MYO18B: variants seen among roughly 807,000 people sequenced by gnomAD.
The protein encoded by MYO18B is myosin XVIIIB.
MYO18B carries 204 observed loss-of-function variants against 273.0 expected under a neutral mutation model. That is an observed-to-expected ratio of 0.75 (90% CI 0.67 to 0.84). MYO18B has a LOEUF of 0.84. MYO18B is among the 40% of genes least tolerant of loss of function. The pLI is 0.00. For synonymous variants in MYO18B, 1,330 were observed against 1,305.7 expected (o/e 1.02, Z -0.40); for missense variants, 3,212 against 3,287.6 (o/e 0.98, Z 0.56).
chr22:25,869,390 C>T (rs12330121), intron 22 of MYO18B, among the ~76,000 whole-genome samples: 6,663 of 128,428 alleles, frequency 0.052, 193 homozygotes, highest in African/African-American at 0.09. Context: ...GCGAAGGTTG[C>T]GGTGAGCTGA....
Position 25,946,494 on chromosome 22 carries a change from T to TCAGA in MYO18B, c.5631+244_5631+245insCAGA, listed in dbSNP as rs1402731327. Among the ~76,000 whole-genome samples, 371 of 152,264 alleles carry TCAGA rather than the reference T, an allele frequency of 2.4e-3. 2 individuals carry two copies. The highest frequency in any genetic ancestry group is 8.6e-3 in the African/African-American group (357 of 41,564). On this transcript the variant is annotated intron_variant, in intron 35 of 43. Coordinates refer to ENST00000335473, the MANE Select transcript of MYO18B (RefSeq NM_032608.7). ...CAGCGTTCTGAATGTGCAGGCATCC[T>TCAGA]ACTGTCAGCTGAGCATTATAAAGAT...
At chr22:25,872,276 C>G (rs941665101) in intron 22 of MYO18B, among the ~76,000 whole-genome samples, 1 of 152,242 alleles carries the variant, frequency 6.6e-6, no homozygotes. Context: ...GAGAATCGAT[C>G]GAGACCCTTT....
intron 12 of MYO18B, among the ~76,000 whole-genome samples, chr22:25,817,225 G>A (rs1016567373): frequency 1.0e-4 from 14 of 134,328 alleles, no homozygotes; most frequent in Non-Finnish European, 1.4e-4. Flanking sequence ...TCTTTCTTTC[G>A]TTCTTTCTCT....
chr22:25,907,539 A>G (rs1265675424), intron 31 of MYO18B, among the ~76,000 whole-genome samples: 1 of 152,212 alleles, frequency 6.6e-6, no homozygotes, highest in Non-Finnish European at 1.5e-5. Flanking sequence ...GCATTCTAAG[A>G]CGGTTGTTTT....
At chr22:25,849,763 T>C (rs1314194263) in intron 20 of MYO18B, among the ~76,000 whole-genome samples, 1 of 152,178 alleles carries the variant, frequency 6.6e-6, no homozygotes, top group Non-Finnish European at 1.5e-5. Context: ...TCTCCTATAA[T>C]AGCTCATATC....
chr22:25,856,792 C>T (rs2146080308), intron 21 of MYO18B, among the ~76,000 whole-genome samples: 1 of 152,248 alleles, frequency 6.6e-6, no homozygotes, highest in Admixed American at 6.5e-5. Flanking sequence ...ATTCTGGGTT[C>T]TTGTTAGCCA....
rs1569034001 is a variant in MYO18B, at chr22:25,797,972, C to CG, written c.2398dup (p.Ala800GlyfsTer51). 1 of 1,614,018 alleles carries CG rather than the reference C, an allele frequency of 6.2e-7. No individual in the cohort carries two copies. The highest frequency in any genetic ancestry group is 1.7e-5 in the Admixed American group (1 of 60,032). On this transcript the variant is annotated frameshift_variant, in exon 12 of 44. Transcript: ENST00000335473. LOFTEE classifies it high-confidence loss of function. The stretch of plus-strand genomic sequence containing the variant: ...CCGCAGCCTGAAGATAAACAGAAGG[C>CG]GGCAGCTGCCTTTGCCCAGCTCCAG...
At chr22:25,831,564 GTAGCGATGGGGTTTCACCATGT>G (rs1601829128) in intron 15 of MYO18B, among the ~76,000 whole-genome samples, 2 of 152,178 alleles carry the variant, frequency 1.3e-5, no homozygotes, top group East Asian at 3.9e-4. Context: ...TGTATTTTTA[GTAGCGATGGGGTTTCACCATGT>G]TAGCCAGCCT....
chr22:25,930,299 C>T (rs952681574), intron 34 of MYO18B, among the ~76,000 whole-genome samples: 11 of 151,988 alleles, frequency 7.2e-5, no homozygotes, highest in Admixed American at 2.0e-4. Context: ...TTGTTTCCAT[C>T]GTTTTTTTTC....
At chr22:25,754,582 G>T (rs1275655176) in intron 1 of MYO18B, among the ~76,000 whole-genome samples, 1 of 152,094 alleles carries the variant, frequency 6.6e-6, no homozygotes, top group African/African-American at 2.4e-5. Flanking sequence ...TCCCCTTTAA[G>T]GGGAGACTCG....
intron 24 of MYO18B, among the ~76,000 whole-genome samples, chr22:25,876,542 G>C (rs1026967940): frequency 2.6e-5 from 4 of 152,086 alleles, no homozygotes; most frequent in African/African-American, 9.7e-5. Context: ...CTAGGCTGTG[G>C]GTGTTTAGAG....
chr22:25,773,872 G>C (rs1412434011), intron 7 of MYO18B, among the ~76,000 whole-genome samples: 1 of 152,214 alleles, frequency 6.6e-6, no homozygotes, highest in African/African-American at 2.4e-5. Context: ...GACTTAGGTT[G>C]TAAAAGGATG....
At chr22:25,757,132 A>G (rs2086148947) in intron 1 of MYO18B, among the ~76,000 whole-genome samples, 1 of 152,238 alleles carries the variant, frequency 6.6e-6, no homozygotes, top group African/African-American at 2.4e-5. Flanking sequence ...TACTTACAAA[A>G]GCTTTACATA....
intron 13 of MYO18B, among the ~76,000 whole-genome samples, chr22:25,824,847 A>G (rs1363343833): frequency 7.0e-6 from 1 of 142,588 alleles, no homozygotes; most frequent in Non-Finnish European, 1.6e-5. Context: ...CCATGTGTGC[A>G]TCACACATGA....
At position 25,832,922 on chromosome 22, in the gene MYO18B, T is replaced by A. The variant is rs780861557; in HGVS notation, c.2985T>A (p.Gly995=). The A allele has an allele frequency of 2.5e-6, 4 of 1,613,524 alleles. No individual in the cohort carries two copies. The highest frequency in any genetic ancestry group is 1.7e-5 in the Admixed American group (1 of 60,010). The part of the protein sequence containing the change: ...VSTLQRYQEE[G]VPVQFDLPDP... ...TAAATCCTGTTATTTTCCAGGAAGG[T>A]GTTCCTGTGCAGTTTGACCTCCCGG... Residue 995 remains glycine (G), a synonymous_variant, in exon 16 of 44, where the codon GGT becomes GGA. Coordinates refer to ENST00000335473, the MANE Select transcript of MYO18B (RefSeq NM_032608.7).
chr22:25,744,629 G>A (rs2085723639), intron 1 of MYO18B, among the ~76,000 whole-genome samples: 1 of 152,164 alleles, frequency 6.6e-6, no homozygotes, highest in Non-Finnish European at 1.5e-5. Context: ...AGCTACTTGG[G>A]AGGCTGAGGC....
At chr22:25,825,081 G>A (rs527326253) in intron 13 of MYO18B, among the ~76,000 whole-genome samples, 2 of 150,298 alleles carry the variant, frequency 1.3e-5, no homozygotes, top group East Asian at 1.9e-4. Context: ...AAGCACACAC[G>A]TGCACACATA....
chr22:26,034,229 C>A (rs1455772729), downstream of MYO18B, among the ~76,000 whole-genome samples: 1 of 152,192 alleles, frequency 6.6e-6, no homozygotes, highest in African/African-American at 2.4e-5. Flanking sequence ...GTCACATAGG[C>A]AGTGTGCTCA....
rs1427642456 is a variant in MYO18B, at chr22:25,826,395, G to A, written c.2696-14G>A. The A allele has an allele frequency of 2.5e-6, 4 of 1,605,920 alleles. No individual in the cohort carries two copies. ...ATCCCTAACCAAGAATGCTGATTCTGTCCTCTTTCCCAGGGCTCAAGATGA... is the reference window on the plus strand; with the variant it reads ...ATCCCTAACCAAGAATGCTGATTCTATCCTCTTTCCCAGGGCTCAAGATGA... On this transcript the variant is annotated splice_polypyrimidine_tract_variant and intron_variant, in intron 13 of 43. Coordinates refer to ENST00000335473, the MANE Select transcript of MYO18B (RefSeq NM_032608.7).
Sources: gnomAD v4.1 joint callset for allele counts (sites outside exome capture counted in the v4.1 genomes callset) on GRCh38, gnomAD v4.1.1 for gene constraint, MANE v1.5 for transcripts, NCBI Gene and HGNC (gene_info 2026-07-23, HGNC 2026-07-21) for gene names.